CD300LG: variants seen among roughly 807,000 people sequenced by gnomAD.
CD300LG encodes CMRF35-like molecule 9.
CD300LG carries 29 observed loss-of-function variants against 31.5 expected under a neutral mutation model. The observed-to-expected ratio is 0.92, with a 90% CI of 0.68 to 1.25. The LOEUF (loss-of-function observed/expected upper bound fraction) is 1.25, where lower values mean the gene tolerates loss of function less well. Ranked by LOEUF, CD300LG falls within the 50% of genes most tolerant of loss-of-function variation. The pLI is 0.00. For missense variants in CD300LG, 396 were observed against 417.6 expected (o/e 0.95, Z 0.45); for synonymous variants, 175 against 177.2 (o/e 0.99, Z 0.10).
intron 6 of CD300LG, among the ~76,000 whole-genome samples, chr17:43,861,477 G>A (rs2046652337): frequency 1.3e-5 from 2 of 152,112 alleles, no homozygotes; most frequent in Non-Finnish European, 1.5e-5. Flanking sequence ...TTCCGGTCCA[G>A]AAAATTCCTG....
At position 43,855,292 on chromosome 17, in the gene CD300LG, A is replaced by G; in HGVS notation, c.805A>G (p.Ser269Gly). The change falls in exon 5 of 7, where the codon AGC (serine) becomes GGC (glycine). Residue 269 changes from serine to glycine, a missense_variant. By Grantham distance (56) the Ser-to-Gly change is moderately conservative. Transcript: ENST00000317310. ...LSAAGLIAFC[S>G]HLLLWRKEAQ... ...AGCCGCAGGCCTGATCGCCTTCTGC[A>G]GCCACCTGCTCCTGTGGAGAAAGGA... 6.3e-7 allele frequency: 1 copy of G among 1,599,898 alleles called. No homozygotes were observed. The highest frequency in any genetic ancestry group is 8.5e-7 in the Non-Finnish European group (1 of 1,175,020).
In CD300LG at chr17:43,848,716, G is replaced by A. The variant is rs773806292; in HGVS notation, c.202G>A (p.Glu68Lys). The change falls in exon 2 of 7, where the codon GAA (glutamate) becomes AAA (lysine). Residue 68 changes from glutamate to lysine, a missense_variant. Transcript: ENST00000317310. ...FSRCSGTIYA[E>K]EEGQETMKGR... ...TCGCTGCTCTGGCACCATCTATGCA[G>A]AAGAAGAAGGCCAGGAGACAATGAA... 5 of 1,614,020 alleles carry A rather than the reference G, an allele frequency of 3.1e-6. No homozygotes were observed. The African/African-American group carries it at 6.7e-5, about 22-fold the overall frequency.
intron 2 of CD300LG, 64 bp downstream of exon 2, chr17:43,848,957 G>T: frequency 7.1e-7 from 1 of 1,413,270 alleles, no homozygotes; most frequent in African/African-American, 1.4e-5. Context: ...GGGAGGGGTG[G>T]TGGGGCATAA....
chr17:43,858,450 G>T, intron 6 of CD300LG: 2 of 985,462 alleles, frequency 2.0e-6, no homozygotes, highest in Non-Finnish European at 2.4e-6. Context: ...CCATGCTACT[G>T]CCTTCTGGCA....
intron 6 of CD300LG, among the ~76,000 whole-genome samples, chr17:43,858,923 T>C (rs967027057): frequency 3.3e-5 from 5 of 152,206 alleles, no homozygotes; most frequent in African/African-American, 7.2e-5. Context: ...TCATCTTTTA[T>C]TGAACACCTA....
intron 4 of CD300LG, 138 bp downstream of exon 4, chr17:43,854,182 T>A: frequency 1.5e-6 from 1 of 676,472 alleles, no homozygotes; most frequent in East Asian, 2.7e-5. Flanking sequence ...GCACAGAGAG[T>A]CCCTCACAGG....
At position 43,848,756 on chromosome 17, in the gene CD300LG, T is replaced by A; in HGVS notation, c.242T>A (p.Ile81Asn). 6.2e-7 allele frequency: 1 copy of A among 1,614,104 alleles called. No homozygotes were observed. The highest frequency in any genetic ancestry group is 8.5e-7 in the Non-Finnish European group (1 of 1,180,018). ...GQETMKGRVS[I>N]RDSRQELSLI... ...GAGACAATGAAGGGCAGGGTGTCCA[T>A]CCGTGACAGCCGCCAGGAGCTCTCG... Residue 81 changes from isoleucine (I) to asparagine (N), a missense_variant, in exon 2 of 7, where the codon ATC (isoleucine) becomes AAC (asparagine). Transcript: ENST00000317310.
chr17:43,858,345 G>A (rs1597714828), intron 6 of CD300LG: 2 of 997,090 alleles, frequency 2.0e-6, no homozygotes, highest in Non-Finnish European at 2.4e-6. Context: ...CGGCCTCCTG[G>A]CTCTGCGGGC....
intron 5 of CD300LG, among the ~76,000 whole-genome samples, chr17:43,856,763 C>T (rs919654012): frequency 6.6e-6 from 1 of 152,236 alleles, no homozygotes; most frequent in African/African-American, 2.4e-5. Flanking sequence ...CTCAGACCCT[C>T]ACCCCAGCCT....
chr17:43,847,759 G>T (rs1407138186), intron 1 of CD300LG, among the ~76,000 whole-genome samples: 1 of 152,056 alleles, frequency 6.6e-6, no homozygotes, highest in Non-Finnish European at 1.5e-5. Flanking sequence ...TGGCAATAGT[G>T]AGACCCCATC....
Position 43,855,265 on chromosome 17 carries a change from TC to T in CD300LG, c.779del (p.Ser260Ter). 1 of 1,609,610 alleles carries T rather than the reference TC, an allele frequency of 6.2e-7. No individual in the cohort carries two copies. On this transcript the variant is annotated frameshift_variant, in exon 5 of 7. Transcript: ENST00000317310. LOFTEE classifies it high-confidence loss of function. ...APVLVLLSLL[S>X]AAGLIAFCSH... Reference sequence around the variant, plus strand: ...AGTCCTGGTGCTGCTGAGCCTTCTGTCAGCCGCAGGCCTGATCGCCTTCTGC... The same window carrying T: ...AGTCCTGGTGCTGCTGAGCCTTCTGTAGCCGCAGGCCTGATCGCCTTCTGC...
At chr17:43,857,879 G>C in intron 6 of CD300LG, 1 of 1,537,062 alleles carries the variant, frequency 6.5e-7, no homozygotes. Flanking sequence ...TGGTGCTCTG[G>C]GGACCAGGGG....
chr17:43,850,863 A>G (rs1020807666), intron 2 of CD300LG, among the ~76,000 whole-genome samples: 1 of 152,138 alleles, frequency 6.6e-6, no homozygotes, highest in Admixed American at 6.5e-5. Context: ...AAGTCCCGGC[A>G]TGGTGGCTCA....
chr17:43,856,769 A>G (rs995422101), intron 5 of CD300LG, among the ~76,000 whole-genome samples: 5 of 152,172 alleles, frequency 3.3e-5, no homozygotes, highest in Non-Finnish European at 7.4e-5. Flanking sequence ...CCCTCACCCC[A>G]GCCTACTGAA....
At chr17:43,861,748 C>T in intron 6 of CD300LG, 50 bp from the exon 7 acceptor site, 1 of 1,295,750 alleles carries the variant, frequency 7.7e-7, no homozygotes, top group Non-Finnish European at 1.1e-6. Context: ...TCACACCTCC[C>T]ACCCCTTCAT....
In CD300LG at chr17:43,861,191, G is replaced by T. The variant is rs2046646380; in HGVS notation, c.886-607G>T. On this transcript the variant is annotated intron_variant, in intron 6 of 6. Transcript: ENST00000317310. ...TGTGATCAACCTTGCAGGGCCCATG[G>T]GGTCTCTCACCATCCCCGAGCCCTC... The T allele has an allele frequency of 3.2e-5, 32 of 985,270 alleles. No homozygotes were observed. In the South Asian group the frequency reaches 1.4e-3, roughly 42 times the overall value. 61.0% of individuals were successfully genotyped at this position (985,270 alleles called of 1,614,324 possible).
chr17:43,859,262 G>A (rs1347646989), intron 6 of CD300LG, among the ~76,000 whole-genome samples: 1 of 152,164 alleles, frequency 6.6e-6, no homozygotes, highest in Non-Finnish European at 1.5e-5. Flanking sequence ...GAAATGAATA[G>A]CCTGCTAAGC....
chr17:43,858,698 C>T (rs1242093978), intron 6 of CD300LG: 2 of 985,290 alleles, frequency 2.0e-6, no homozygotes, highest in Admixed American at 6.1e-5. Context: ...TGTGGCTTCT[C>T]CATAGGATTT....
At chr17:43,856,263 C>T (rs534738695) in intron 5 of CD300LG, among the ~76,000 whole-genome samples, 57 of 152,304 alleles carry the variant, frequency 3.7e-4, no homozygotes, top group Non-Finnish European at 6.3e-4. Context: ...ATGAAGTAGT[C>T]ACATTTCAGT....
Sources: allele counts gnomAD v4.1 joint callset (sites outside exome capture counted in the v4.1 genomes callset), GRCh38; gene constraint gnomAD v4.1.1; transcripts MANE v1.5; gene names NCBI Gene and HGNC (gene_info 2026-07-23, HGNC 2026-07-21).